ABCC9: variants seen among roughly 807,000 people sequenced by gnomAD.
The protein encoded by ABCC9 is ATP binding cassette subfamily C member 9, also known as ATP-binding cassette sub-family C member 9.
ABCC9 carries 95 observed loss-of-function variants against 188.3 expected under a neutral mutation model. The observed-to-expected ratio is 0.50, with a 90% CI of 0.43 to 0.60. The LOEUF (loss-of-function observed/expected upper bound fraction) is 0.60. ABCC9 is among the 20% of genes least tolerant of loss of function. ABCC9 has a pLI of 0.00. For synonymous variants in ABCC9, 659 were observed against 652.7 expected, an observed-to-expected ratio of 1.01 and a Z score of -0.15; for missense variants, 1,102 against 1,876.3, an observed-to-expected ratio of 0.59 and a Z score of 7.62.
intron 39 of ABCC9, chr12:21,805,104 C>A (rs1424039277): frequency 5.0e-6 from 8 of 1,603,950 alleles, no homozygotes; most frequent in Non-Finnish European, 6.0e-6. Flanking sequence ...ATTAGCCATG[C>A]CTTACTGAGA....
At chr12:21,814,912 A>AT (rs1473339119) in intron 34 of ABCC9, among the ~76,000 whole-genome samples, 190 bp from the exon 35 acceptor site, 3 of 152,272 alleles carry the variant, frequency 2.0e-5, no homozygotes, top group African/African-American at 4.8e-5. Context: ...GCTGGGCACA[A>AT]TGGCTCACAC....
At chr12:21,851,897 A>T (rs568647473) in intron 24 of ABCC9, among the ~76,000 whole-genome samples, 200 bp downstream of exon 24, 1 of 141,506 alleles carries the variant, frequency 7.1e-6, no homozygotes. Flanking sequence ...CCTCATCCAA[A>T]GATGGCATTA....
chr12:21,888,277 G>A (rs1592153289), intron 14 of ABCC9, among the ~76,000 whole-genome samples: 1 of 152,072 alleles, frequency 6.6e-6, no homozygotes, highest in Non-Finnish European at 1.5e-5. Flanking sequence ...TTGGAACAGG[G>A]TGGTTAAAAA....
At chr12:21,816,121 C>T (rs140740502) in intron 33 of ABCC9, among the ~76,000 whole-genome samples, 1 of 103,798 alleles carries the variant, frequency 9.6e-6, no homozygotes, top group East Asian at 3.3e-4. Context: ...TGATTACGCA[C>T]TTTTAAGACA....
chr12:21,818,233 T>C lies in ABCC9; in HGVS notation c.3688A>G (p.Ile1230Val), dbSNP rs1223944676. 1 of 1,613,850 alleles carries C rather than the reference T, an allele frequency of 6.2e-7. No individual in the cohort carries two copies. Among genetic ancestry groups the C allele is most frequent in the South Asian group, 1.1e-5 (1 of 91,078 alleles). ...EVRTDYLGAC[I>V]VLTASIASIS... ...GATGCTATAGATGCAGTGAGGACAA[T>C]GCAAGCTCCCAGATAATCCTTTGAA... The change falls in exon 32 of 40, where the codon ATT (isoleucine) becomes GTT (valine). Residue 1230 changes from isoleucine to valine, a missense_variant. Ile to Val is a conservative substitution (Grantham distance 29). Around this residue, in one of 12 missense-constraint regions of ABCC9, gnomAD observed 143 missense variants for 225.6 expected, o/e 0.63. Coordinates refer to ENST00000261200, the MANE Select transcript of ABCC9 (RefSeq NM_020297.4).
At chr12:21,817,006 C>T (rs1942691118) in intron 33 of ABCC9, among the ~76,000 whole-genome samples, 181 bp downstream of exon 33, 2 of 152,118 alleles carry the variant, frequency 1.3e-5, no homozygotes, top group Non-Finnish European at 2.9e-5. Flanking sequence ...TTATCCAAGA[C>T]TTTTCAGGCC....
chr12:21,891,907 A>G lies in ABCC9; in HGVS notation c.1802+2125T>C, dbSNP rs371628037. ...CACAGAAGAAAATGCTCTAAGTCCA[A>G]TCAACACTGGGAGAGCACTTATTTG... On this transcript the variant is annotated intron_variant, in intron 14 of 39. Transcript: ENST00000261200. Among the ~76,000 whole-genome samples, 44 of 152,288 alleles carry G rather than the reference A, an allele frequency of 2.9e-4. No individual in the cohort carries two copies. The South Asian group carries it at 7.7e-3, about 27-fold the overall frequency.
chr12:21,872,344 G>C (rs574761017), intron 18 of ABCC9, among the ~76,000 whole-genome samples: 2 of 152,188 alleles, frequency 1.3e-5, no homozygotes, highest in East Asian at 3.9e-4. Flanking sequence ...TTCTTGAAGT[G>C]TTACCCATTT....
intron 12 of ABCC9, among the ~76,000 whole-genome samples, chr12:21,900,134 C>T (rs1947654553): frequency 6.6e-6 from 1 of 152,176 alleles, no homozygotes; most frequent in South Asian, 2.1e-4. Context: ...GATCAGGCAG[C>T]AACATTTGCT....
chr12:21,915,215 T>TTA (rs557990317), intron 7 of ABCC9, among the ~76,000 whole-genome samples: 4,719 of 134,554 alleles, frequency 0.035, 125 homozygotes, highest in Middle Eastern at 0.07. Context: ...CTTTGTGTCT[T>TTA]TATATATATA....
intron 17 of ABCC9, among the ~76,000 whole-genome samples, chr12:21,874,196 C>T (rs1358403592): frequency 2.6e-5 from 4 of 151,628 alleles, no homozygotes; most frequent in African/African-American, 7.3e-5. Flanking sequence ...GCAAAGAACC[C>T]GAATAGAGAT....
chr12:21,828,742 G>T (rs1315150899), intron 31 of ABCC9, among the ~76,000 whole-genome samples: 1 of 152,162 alleles, frequency 6.6e-6, no homozygotes, highest in Non-Finnish European at 1.5e-5. Flanking sequence ...AACACAAAAT[G>T]AATTTTTGCT....
At chr12:21,824,092 A>T (rs1943215422) in intron 31 of ABCC9, among the ~76,000 whole-genome samples, 1 of 152,246 alleles carries the variant, frequency 6.6e-6, no homozygotes, top group African/African-American at 2.4e-5. Context: ...ACTCTTATTT[A>T]ACATGACTTG....
intron 12 of ABCC9, among the ~76,000 whole-genome samples, chr12:21,898,834 T>C (rs965995987): frequency 1.4e-4 from 22 of 152,096 alleles, no homozygotes; most frequent in Non-Finnish European, 5.9e-5. Context: ...AAAGTTAGAG[T>C]TGAGGATGAA....
At position 21,838,085 on chromosome 12, in the gene ABCC9, C is replaced by A. The variant is rs1407639079; in HGVS notation, c.3559G>T (p.Ala1187Ser). 1.9e-6 allele frequency: 3 copies of A among 1,613,376 alleles called. No individual in the cohort carries two copies. The highest frequency in any genetic ancestry group is 3.3e-5 in the Admixed American group (2 of 60,006). The stretch of plus-strand genomic sequence containing the variant: ...AAAAATGTGTTTACTCACCTAAAGG[C>A]CCGAATGGTGGTGAGTCCTTCTGCT... ...ETAEGLTTIRAFRHETRFKQR... is the reference protein window; with the variant it reads ...ETAEGLTTIRSFRHETRFKQR... The change falls in exon 30 of 40, where the codon GCC becomes TCC. Residue 1187 changes from alanine to serine, a missense_variant. Ala to Ser is a moderately conservative substitution (Grantham distance 99). Transcript: ENST00000261200.
chr12:21,807,338 G>T lies in ABCC9; in HGVS notation c.4449+8C>A. 6.2e-7 allele frequency: 1 copy of T among 1,613,810 alleles called. No individual in the cohort carries two copies. On this transcript the variant is annotated splice_region_variant and intron_variant, in intron 38 of 39. Transcript: ENST00000261200. ...CGTCAATTTTAAAAGCTTAGATAAT[G>T]CACTCACTGTGGCCATGTCAATGGA...
rs375259797 is a variant in ABCC9 at position 21,899,581 on chromosome 12, C to T, written c.1619-4266G>A. ...CCTAGCCAAGGGAGGCTGTGACAGA[C>T]GGCACCTGGAAAATCAGGTCACTCC... On this transcript the variant is annotated intron_variant, in intron 12 of 39. Transcript: ENST00000261200. 1.7e-3 allele frequency among the ~76,000 whole-genome samples: 265 copies of T among 152,238 alleles called. 3 individuals carry two copies. In the South Asian group the frequency reaches 0.033, roughly 19 times the overall value.
rs148174226 is a variant in ABCC9, at chr12:21,875,696, C to T, written c.2050G>A (p.Gly684Ser). 1,173 of 1,612,698 alleles carry T rather than the reference C, an allele frequency of 7.3e-4. 5 individuals are homozygous for T. The highest frequency in any genetic ancestry group is 3.4e-3 in the South Asian group (309 of 91,040). ...VTNGYFSWGSGLATLSNIDIR... is the reference protein window; with the variant it reads ...VTNGYFSWGSSLATLSNIDIR... ...TCTATATTGGATAATGTAGCTAAAC[C>T]ACTGCCCCATGAAAAGTATCCATTT... Residue 684 changes from glycine to serine, a missense_variant, in exon 17 of 40, where the codon GGT (glycine) becomes AGT (serine). Transcript: ENST00000261200.
intron 18 of ABCC9, among the ~76,000 whole-genome samples, chr12:21,867,318 C>T (rs1387426647): frequency 6.6e-6 from 1 of 152,128 alleles, no homozygotes; most frequent in Non-Finnish European, 1.5e-5. Flanking sequence ...TGTCTAGACT[C>T]ATCCTCCACC....
Sources: allele counts gnomAD v4.1 joint callset (sites outside exome capture counted in the v4.1 genomes callset), GRCh38; gene constraint gnomAD v4.1.1; regional missense constraint gnomAD v4.1.1; transcripts MANE v1.5; gene names NCBI Gene and HGNC (gene_info 2026-07-23, HGNC 2026-07-21).